The following OGN variants were observed in gnomAD, a reference collection of about 807,000 sequenced individuals.
The protein encoded by OGN is mimecan.
A neutral mutation model predicts 30.8 loss-of-function variants in OGN; 19 were observed. The observed-to-expected ratio is 0.62, with a 90% CI of 0.43 to 0.90. OGN has a LOEUF of 0.90. Among genes scored for constraint, OGN ranks in the 40% least tolerant of loss-of-function variants. OGN has a pLI of 0.00. For synonymous variants in OGN, 126 were observed against 128.3 expected (o/e 0.98, Z 0.12); for missense variants, 283 against 349.7 (o/e 0.81, Z 1.52).
Position 92,395,983 on chromosome 9 carries a change from T to C in OGN, c.269-2739A>G, listed in dbSNP as rs559025746. On this transcript the variant is annotated intron_variant, in intron 3 of 6. Transcript: ENST00000375561. The stretch of plus-strand genomic sequence containing the variant: ...ACTTTGTTTTCTTCTAGAAGTTGTA[T>C]AGTTTAAGATCTTTACCTTTAGGTG... Among the ~76,000 whole-genome samples the C allele has an allele frequency of 7.4e-4, 113 of 152,310 alleles. 1 individual carries two copies. Among genetic ancestry groups the C allele is most frequent in the African/African-American group, 2.6e-3 (107 of 41,582 alleles).
At chr9:92,387,140 A>C (rs989101320) in intron 5 of OGN, among the ~76,000 whole-genome samples, 2 of 151,724 alleles carry the variant, frequency 1.3e-5, no homozygotes, top group African/African-American at 4.8e-5. Flanking sequence ...TGAGAGGTCA[A>C]TGTGGGTGGA....
At position 92,390,589 on chromosome 9, in the gene OGN, C is replaced by A. The variant is rs535758220; in HGVS notation, c.428-533G>T. On this transcript the variant is annotated intron_variant, in intron 4 of 6. Coordinates refer to ENST00000375561, the MANE Select transcript of OGN (RefSeq NM_014057.5). ...GTGTGTGTGTGTGTGTGTGTGTGTGCGCGCGCGCGTACTTGCGTGTGCATC... is the reference window on the plus strand; with the variant it reads ...GTGTGTGTGTGTGTGTGTGTGTGTGAGCGCGCGCGTACTTGCGTGTGCATC... Among the ~76,000 whole-genome samples the A allele has an allele frequency of 9.0e-4, 106 of 118,296 alleles. No homozygotes were observed. The East Asian group carries it at 0.022, about 24-fold the overall frequency. 77.6% of individuals were successfully genotyped at this position (118,296 alleles called of 152,430 possible). A position where few individuals can be genotyped will look rare whatever the true frequency, so the allele number is the denominator to read the frequency against.
chr9:92,392,085 A>T (rs933956564), intron 4 of OGN, among the ~76,000 whole-genome samples: 3 of 151,990 alleles, frequency 2.0e-5, no homozygotes, highest in African/African-American at 7.2e-5. Context: ...GTGATCTAGG[A>T]CTGGGATTTG....
At chr9:92,401,008 T>G (rs1843088797) in intron 3 of OGN, 84 bp downstream of exon 3, 3 of 678,254 alleles carry the variant, frequency 4.4e-6, no homozygotes, top group South Asian at 3.8e-5. Flanking sequence ...GTATCTTGAG[T>G]CAGTTTTTGA....
At chr9:92,401,338 A>G (rs1424824381) in intron 2 of OGN, among the ~76,000 whole-genome samples, 153 bp from the exon 3 acceptor site, 2 of 152,168 alleles carry the variant, frequency 1.3e-5, no homozygotes, top group Non-Finnish European at 2.9e-5. Context: ...TTTATCATCT[A>G]TTAAATTACA....
chr9:92,386,432 C>A, intron 5 of OGN, 136 bp from the exon 6 acceptor site: 1 of 594,684 alleles, frequency 1.7e-6, no homozygotes, highest in Non-Finnish European at 3.0e-6. Context: ...TCAATTATAT[C>A]AATTGTTCGT....
chr9:92,401,096 AT>A lies in OGN; in HGVS notation c.263del (p.Asn88MetfsTer13). On this transcript the variant is annotated frameshift_variant, in exon 3 of 7. Transcript: ENST00000375561. LOFTEE classifies it high-confidence loss of function. Reference protein sequence around the residue: ...AITPLPPKKENDEMPTCLLCV... With the variant: ...AITPLPPKKEXDEMPTCLLCV... Reference sequence around the variant, plus strand: ...AAATATTTAGATGATACTTACCATCATTTTCTTTCTTGGGAGGTAATGGTGT... The same window carrying A: ...AAATATTTAGATGATACTTACCATCATTTCTTTCTTGGGAGGTAATGGTGT... 1.4e-6 allele frequency: 2 copies of A among 1,411,678 alleles called. No individual in the cohort carries two copies. Among genetic ancestry groups the A allele is most frequent in the Non-Finnish European group, 2.0e-6 (2 of 1,001,958 alleles). 87.4% of individuals were successfully genotyped at this position (1,411,678 alleles called of 1,614,324 possible).
intron 1 of OGN, among the ~76,000 whole-genome samples, chr9:92,404,027 G>C (rs1392321058): frequency 6.6e-6 from 1 of 152,128 alleles, no homozygotes; most frequent in African/African-American, 2.4e-5. Flanking sequence ...ATAATTTTTA[G>C]TTAATAGTAT....
chr9:92,393,274 G>T, intron 3 of OGN, 30 bp from the exon 4 acceptor site: 2 of 1,544,112 alleles, frequency 1.3e-6, no homozygotes, highest in South Asian at 1.2e-5. Flanking sequence ...ATAAAAATAT[G>T]AACAATCGTT....
chr9:92,390,024 A>G lies in OGN; in HGVS notation c.460T>C (p.Leu154=), dbSNP rs1564292749. ...GTACCATCTTCTATATCTTCTATCA[A>G]ATTTCCTGTAAAATCGAGTCTTCTT... ...NLRRLDFTGN[L]IEDIEDGTFS... Residue 154 remains leucine, a synonymous_variant, in exon 5 of 7, where the codon TTG becomes CTG. Coordinates refer to ENST00000375561, the MANE Select transcript of OGN (RefSeq NM_014057.5). 1 of 1,604,676 alleles carries G rather than the reference A, an allele frequency of 6.2e-7. No individual in the cohort carries two copies. The highest frequency in any genetic ancestry group is 1.1e-5 in the South Asian group (1 of 89,884).
At chr9:92,397,234 C>T (rs1842927591) in intron 3 of OGN, among the ~76,000 whole-genome samples, 1 of 152,082 alleles carries the variant, frequency 6.6e-6, no homozygotes, top group Admixed American at 6.6e-5. Context: ...TCCTTATTTC[C>T]TAACATAGCA....
chr9:92,387,138 C>G (rs956496139), intron 5 of OGN, among the ~76,000 whole-genome samples: 17 of 150,216 alleles, frequency 1.1e-4, no homozygotes, highest in Non-Finnish European at 2.1e-4. Flanking sequence ...TTTGAGAGGT[C>G]AATGTGGGTG....
chr9:92,404,426 A>T, intron 1 of OGN, 70 bp downstream of exon 1: 1 of 1,000,862 alleles, frequency 1.0e-6, no homozygotes, highest in Non-Finnish European at 1.3e-6. Context: ...TACATTTATT[A>T]AGACTATTAG....
chr9:92,402,830 A>G lies in OGN; in HGVS notation c.174+404T>C, dbSNP rs149458383. 1.1e-4 allele frequency among the ~76,000 whole-genome samples: 16 copies of G among 152,336 alleles called. No homozygotes were observed. In the East Asian group the frequency reaches 1.9e-3, roughly 18 times the overall value. On this transcript the variant is annotated intron_variant, in intron 2 of 6. Transcript: ENST00000375561. ...ATGTATTTTCTTCAAATTGTTTTCT[A>G]TAATAATAACCTTAAGCTGATAATT...
chr9:92,403,338 GGGT>G lies in OGN; in HGVS notation c.67_69del (p.Thr23del), dbSNP rs1397049526. The G allele has an allele frequency of 1.2e-6, 2 of 1,613,630 alleles. No individual in the cohort carries two copies. Among genetic ancestry groups the G allele is most frequent in the Admixed American group, 3.3e-5 (2 of 59,986 alleles). ...TCATAGATAATGCGTGAGTCCTGCT[GGGT>G]TGGTGGTGCTGGCTTTATCAGAGGC... On this transcript the variant is annotated inframe_deletion, in exon 2 of 7. Transcript: ENST00000375561.
At chr9:92,390,088 G>C in intron 4 of OGN, 32 bp from the exon 5 acceptor site, 2 of 1,278,796 alleles carry the variant, frequency 1.6e-6, no homozygotes, top group African/African-American at 3.0e-5. Flanking sequence ...AAACAACTAC[G>C]TAAGTAAAAT....
chr9:92,387,471 A>C (rs1301213152), intron 5 of OGN, among the ~76,000 whole-genome samples: 1 of 152,106 alleles, frequency 6.6e-6, no homozygotes, highest in Non-Finnish European at 1.5e-5. Context: ...TAAGGGCTTA[A>C]TGTTGGATTA....
At chr9:92,401,318 A>G (rs1050173773) in intron 2 of OGN, 133 bp from the exon 3 acceptor site, 9 of 513,774 alleles carry the variant, frequency 1.8e-5, no homozygotes, top group Non-Finnish European at 2.4e-5. Flanking sequence ...GCTTTCATAC[A>G]TATTTCCATT....
chr9:92,389,707 T>C (rs1236748405), intron 5 of OGN, 147 bp downstream of exon 5: 10 of 585,528 alleles, frequency 1.7e-5, no homozygotes, highest in Non-Finnish European at 3.0e-5. Context: ...CCTAATAGGA[T>C]GGTTATTTAT....
Sources: allele counts gnomAD v4.1 joint callset (sites outside exome capture counted in the v4.1 genomes callset), GRCh38; gene constraint gnomAD v4.1.1; transcripts MANE v1.5; gene names NCBI Gene and HGNC (gene_info 2026-07-23, HGNC 2026-07-21).